Variants in RTEL1 observed in about 807,000 individuals in gnomAD.
The protein encoded by RTEL1 is regulator of telomere elongation helicase 1.
RTEL1 carries 86 observed loss-of-function variants against 162.2 expected under a neutral mutation model. The ratio of observed to expected loss-of-function variants is 0.53; its 90% confidence interval spans 0.45 to 0.63. The LOEUF (loss-of-function observed/expected upper bound fraction) is 0.63, where lower values mean the gene tolerates loss of function less well. Ranked by LOEUF, RTEL1 falls within the 30% of genes least tolerant of loss-of-function variation. RTEL1 has a pLI of 0.00. For missense variants in RTEL1, 1,941 were observed against 1,750.2 expected (o/e 1.11, Z -1.95); for synonymous variants, 958 against 717.9 (o/e 1.33, Z -5.35).
At position 63,693,142 on chromosome 20, in the gene RTEL1, G is replaced by C. The variant is rs2145448526; in HGVS notation, c.2852-1G>C. The C allele has an allele frequency of 6.2e-7, 1 of 1,612,218 alleles. No individual in the cohort carries two copies. The highest frequency in any genetic ancestry group is 8.5e-7 in the Non-Finnish European group (1 of 1,179,578). On this transcript the variant is annotated splice_acceptor_variant, in intron 29 of 34. Coordinates refer to ENST00000360203, the MANE Select transcript of RTEL1 (RefSeq NM_001283009.2). LOFTEE classifies it high-confidence loss of function. ...GGGGACAGACGCCCCTTCCTCTACA[G>C]GCTTCTACCAGTTTGTGCGGCCCCA...
At chr20:63,679,757 C>G (rs1290446709) in intron 12 of RTEL1, 92 bp from the exon 13 acceptor site, 9 of 966,498 alleles carry the variant, frequency 9.3e-6, no homozygotes, top group Admixed American at 6.9e-5. Flanking sequence ...GTCGTCCCCC[C>G]TCAGGCCCGA....
At chr20:63,660,017 A>G (rs1278329052) in intron 2 of RTEL1, among the ~76,000 whole-genome samples, 3 of 152,182 alleles carry the variant, frequency 2.0e-5, no homozygotes, top group Non-Finnish European at 4.4e-5. Context: ...CACGTAGGCT[A>G]GTTTTATGCT....
chr20:63,661,708 C>T lies in RTEL1; in HGVS notation c.302-142C>T. On this transcript the variant is annotated intron_variant, in intron 3 of 34. Transcript: ENST00000360203. The surrounding 1 kb of genome is among the most constrained non-coding windows in gnomAD (Gnocchi z 5.1). The stretch of plus-strand genomic sequence containing the variant: ...ATTAGGGCACGGCAGATGCCCACTT[C>T]ACCCATTTTTGATAAACCAGTATCT... 1.1e-6 allele frequency: 1 copy of T among 892,878 alleles called. No individual in the cohort carries two copies. Among genetic ancestry groups the T allele is most frequent in the Non-Finnish European group, 1.8e-6 (1 of 568,936 alleles). 55.3% of individuals were successfully genotyped at this position (892,878 alleles called of 1,614,324 possible). A position where few individuals can be genotyped will look rare whatever the true frequency, so the allele number is the denominator to read the frequency against.
At chr20:63,662,933 C>T in intron 6 of RTEL1, 44 bp downstream of exon 6, 1 of 1,571,178 alleles carries the variant, frequency 6.4e-7, no homozygotes, top group Non-Finnish European at 8.8e-7. Context: ...GGAGTGTGTG[C>T]AGCCTCTCAG....
intron 12 of RTEL1, among the ~76,000 whole-genome samples, chr20:63,678,612 G>GCACACACACTCCCACGAA (rs1464401857): frequency 2.9e-5 from 4 of 136,846 alleles, no homozygotes; most frequent in Non-Finnish European, 4.7e-5. Flanking sequence ...CCCACGAACA[G>GCACACACACTCCCACGAA]CACACACACT....
intron 8 of RTEL1, among the ~76,000 whole-genome samples, chr20:63,671,735 C>T (rs1402065539): frequency 6.6e-6 from 1 of 151,424 alleles, no homozygotes; most frequent in Non-Finnish European, 1.5e-5. Flanking sequence ...TCGTGATCCG[C>T]CTGCCTCGGC....
At chr20:63,693,391 C>T (rs1014030716) in intron 30 of RTEL1, 108 bp downstream of exon 30, 9 of 1,375,678 alleles carry the variant, frequency 6.5e-6, no homozygotes, top group East Asian at 2.3e-5. Flanking sequence ...TTGGCCCCGC[C>T]TCTCTGTTCC....
chr20:63,671,279 C>A (rs967762820), intron 8 of RTEL1, among the ~76,000 whole-genome samples: 5 of 150,994 alleles, frequency 3.3e-5, no homozygotes, highest in Non-Finnish European at 5.9e-5. Context: ...CAGGCTGGTC[C>A]CAAACTCCTG....
chr20:63,681,066 T>G, intron 14 of RTEL1: 1 of 985,376 alleles, frequency 1.0e-6, no homozygotes, highest in Non-Finnish European at 1.2e-6. Flanking sequence ...TGCACGCAGA[T>G]GAAGAGCTCT....
In RTEL1 at chr20:63,689,633, T is replaced by G. The variant is rs1364618623; in HGVS notation, c.2010T>G (p.Gly670=). The change falls in exon 23 of 35, where the codon GGT becomes GGG. Residue 670 remains glycine (G), a synonymous_variant. Coordinates refer to ENST00000360203, the MANE Select transcript of RTEL1 (RefSeq NM_001283009.2). The stretch of plus-strand genomic sequence containing the variant: ...TCCTGGATGAGATGAAGGGCCAGGG[T>G]GGGGCTGGGGGCCAGGTGAGTTACA... ...MQFLDEMKGQ[G]GAGGQFLSGQ... 4 of 1,608,488 alleles carry G rather than the reference T, an allele frequency of 2.5e-6. No individual in the cohort carries two copies. The South Asian group carries it at 4.4e-5, about 18-fold the overall frequency.
chr20:63,657,889 A>C (rs1319788164), upstream of RTEL1: 1 of 152,378 alleles, frequency 6.6e-6, no homozygotes, highest in Non-Finnish European at 1.5e-5. Context: ...CAGTGAGCCG[A>C]GCAGAAGCTG....
In RTEL1 at chr20:63,694,853, G is replaced by C; in HGVS notation, c.3222G>C (p.Ala1074=). The change falls in exon 32 of 35, where the codon GCG becomes GCC. Residue 1074 remains alanine, a synonymous_variant. Transcript: ENST00000360203. ...LADARRALGS[A]GCSQLLAALT... is the part of the protein sequence containing the mutation. ...ATGCCCGCAGGGCCCTGGGGTCCGCGGGCTGTAGCCAACTCTTGGCAGCGC... is the reference window on the plus strand; with the variant it reads ...ATGCCCGCAGGGCCCTGGGGTCCGCCGGCTGTAGCCAACTCTTGGCAGCGC... The C allele has an allele frequency of 1.2e-6, 2 of 1,612,614 alleles. No homozygotes were observed. Among genetic ancestry groups the C allele is most frequent in the Admixed American group, 1.7e-5 (1 of 60,028 alleles).
chr20:63,688,277 T>C, intron 19 of RTEL1, 24 bp from the exon 20 acceptor site: 1 of 1,610,826 alleles, frequency 6.2e-7, no homozygotes, highest in Admixed American at 1.7e-5. Flanking sequence ...GCCCCTGCCT[T>C]GACCCCGGCC....
At position 63,690,084 on chromosome 20, in the gene RTEL1, C is replaced by G. The variant is rs765616741; in HGVS notation, c.2142-3C>G. The stretch of plus-strand genomic sequence containing the variant: ...GGGCAGCAGGGCTATGGCCACCCCC[C>G]AGGTTCGCCTTTGCCGACGCAAGAG... On this transcript the variant is annotated splice_polypyrimidine_tract_variant and splice_region_variant and intron_variant, in intron 24 of 34. Transcript: ENST00000360203. 6.2e-7 allele frequency: 1 copy of G among 1,610,538 alleles called. No homozygotes were observed. The highest frequency in any genetic ancestry group is 1.1e-5 in the South Asian group (1 of 91,058).
At chr20:63,690,010 A>G in intron 24 of RTEL1, 77 bp from the exon 25 acceptor site, 3 of 1,575,864 alleles carry the variant, frequency 1.9e-6, no homozygotes, top group Non-Finnish European at 2.6e-6. Context: ...CCTGCAGCAG[A>G]TGAGGGTCTT....
Position 63,695,926 on chromosome 20 carries a change from A to G in RTEL1, c.*68A>G. ...CCTGCCTGTCCAGCTCTGGTGGGCC[A>G]AGAACCCACCCAACAGAATAGGCCA... On this transcript the variant is annotated 3_prime_UTR_variant, in exon 35 of 35. Transcript: ENST00000360203. The G allele has an allele frequency of 7.5e-6, 11 of 1,464,896 alleles. No homozygotes were observed. Among genetic ancestry groups the G allele is most frequent in the Non-Finnish European group, 1.0e-5 (11 of 1,078,784 alleles). The allele number at this position is 1,464,896 out of a possible 1,614,324, so 90.7% of individuals were successfully genotyped here. A position where few individuals can be genotyped will look rare whatever the true frequency, so the allele number is the denominator to read the frequency against.
chr20:63,688,296 TC>T lies in RTEL1; in HGVS notation c.1637-3del, dbSNP rs1336695580. ...CTGCCTTGACCCCGGCCCCTGCACTTCCAGGCAACATCGCCCGCGTGGTGCC... is the reference window on the plus strand; with the variant it reads ...CTGCCTTGACCCCGGCCCCTGCACTTCAGGCAACATCGCCCGCGTGGTGCC... On this transcript the variant is annotated splice_polypyrimidine_tract_variant and splice_region_variant and intron_variant, in intron 19 of 34. Coordinates refer to ENST00000360203, the MANE Select transcript of RTEL1 (RefSeq NM_001283009.2). The T allele has an allele frequency of 7.4e-6, 12 of 1,611,908 alleles. No individual in the cohort carries two copies. The highest frequency in any genetic ancestry group is 1.3e-5 in the African/African-American group (1 of 74,938).
intron 4 of RTEL1, chr20:63,662,285 C>G (rs533662312): frequency 9.8e-5 from 66 of 675,922 alleles, no homozygotes; most frequent in Non-Finnish European, 1.7e-4. Flanking sequence ...CTTGTCAGAG[C>G]CCAGCAGAGT....
intron 13 of RTEL1, 39 bp from the exon 14 acceptor site, chr20:63,680,625 T>C: frequency 6.2e-7 from 1 of 1,609,288 alleles, no homozygotes; most frequent in South Asian, 1.1e-5. Flanking sequence ...GGGCCTCCCC[T>C]GCCTGCAGTG....
Sources: allele counts gnomAD v4.1 joint callset (sites outside exome capture counted in the v4.1 genomes callset), GRCh38; gene constraint gnomAD v4.1.1; non-coding constraint Gnocchi (gnomAD v3.1); transcripts MANE v1.5; gene names NCBI Gene and HGNC (gene_info 2026-07-23, HGNC 2026-07-21).